ZNF837: variants seen among roughly 807,000 people sequenced by gnomAD.
ZNF837 encodes zinc finger protein 837.
For missense variants in ZNF837, 955 were observed against 801.7 expected, an observed-to-expected ratio of 1.19 and a Z score of -2.31; for synonymous variants, 475 against 365.2, an observed-to-expected ratio of 1.30 and a Z score of -3.43.
chr19:58,368,183 C>G lies in ZNF837; in HGVS notation c.1150G>C (p.Val384Leu), dbSNP rs769938210. Residue 384 changes from valine to leucine, a missense_variant, in exon 3 of 3, where the codon GTG becomes CTG. Physicochemically the swap from Val to Leu is conservative, Grantham distance 32. Coordinates refer to ENST00000597582, the MANE Select transcript of ZNF837 (RefSeq NM_138466.2). ...GCGTAGGGCTTCTCGCCGGTGTGCA[C>G]GCGCCGGTGCTCCACGAGGTGCGAG... ...LFSHLVEHRR[V>L]HTGEKPYACP... The G allele has an allele frequency of 1.9e-6, 3 of 1,576,296 alleles. No homozygotes were observed. The highest frequency in any genetic ancestry group is 2.6e-6 in the Non-Finnish European group (3 of 1,164,142).
At chr19:58,372,001 G>A (rs375502947) in intron 1 of ZNF837, among the ~76,000 whole-genome samples, 9 of 152,100 alleles carry the variant, frequency 5.9e-5, no homozygotes, top group South Asian at 2.1e-4. Context: ...GATTACAGGC[G>A]TGAGCCACCG....
chr19:58,371,304 A>C (rs1191166458), intron 1 of ZNF837, among the ~76,000 whole-genome samples: 1 of 151,378 alleles, frequency 6.6e-6, no homozygotes, highest in Admixed American at 6.6e-5. Context: ...GCTACTCAGG[A>C]GGCTAAGGCA....
chr19:58,378,802 G>A (rs763292627), intron 1 of ZNF837, among the ~76,000 whole-genome samples: 1 of 152,206 alleles, frequency 6.6e-6, no homozygotes, highest in African/African-American at 2.4e-5. Context: ...TATGAAGGAG[G>A]CAAAGGGAGT....
rs2052155590 is a variant in ZNF837 at position 58,368,113 on chromosome 19, C to T, written c.1220G>A (p.Ser407Asn). The change falls in exon 3 of 3, where the codon AGC becomes AAC. Residue 407 changes from serine to asparagine, a missense_variant. Physicochemically the swap from Ser to Asn is conservative, Grantham distance 46 (BLOSUM62 1). Coordinates refer to ENST00000597582, the MANE Select transcript of ZNF837 (RefSeq NM_138466.2). ...GCTGCTGTGAGTGCGCTGGTGCCGG[C>T]TCAGGTTCGAGCGCTGGTTGAAGGC... Reference protein sequence around the residue: ...GKAFNQRSNLSRHQRTHSSAK... With the variant: ...GKAFNQRSNLNRHQRTHSSAK... 1 of 1,568,758 alleles carries T rather than the reference C, an allele frequency of 6.4e-7. No homozygotes were observed. The highest frequency in any genetic ancestry group is 1.9e-5 in the Admixed American group (1 of 53,756).
Position 58,367,964 on chromosome 19 carries a change from G to T in ZNF837, c.1369C>A (p.Arg457Ser). The T allele has an allele frequency of 6.5e-7, 1 of 1,532,502 alleles. No individual in the cohort carries two copies. The highest frequency in any genetic ancestry group is 8.7e-7 in the Non-Finnish European group (1 of 1,143,904). 94.9% of individuals were successfully genotyped at this position (1,532,502 alleles called of 1,614,324 possible). ...YGCSECGKTFRGCSELRQHER... is the reference protein window; with the variant it reads ...YGCSECGKTFSGCSELRQHER... The stretch of plus-strand genomic sequence containing the variant: ...TGCTGGCGCAGCTCGGAGCAGCCGC[G>T]GAAGGTCTTTCCGCACTCGGAGCAG... The change falls in exon 3 of 3, where the codon CGC becomes AGC. Residue 457 changes from arginine (R) to serine (S), a missense_variant. Physicochemically the swap from Arg to Ser is moderately radical, Grantham distance 110. Coordinates refer to ENST00000597582, the MANE Select transcript of ZNF837 (RefSeq NM_138466.2).
intron 1 of ZNF837, among the ~76,000 whole-genome samples, chr19:58,378,635 T>C (rs2052267735): frequency 6.6e-6 from 1 of 152,116 alleles, no homozygotes; most frequent in Admixed American, 6.5e-5. Flanking sequence ...ATCAGGCAGG[T>C]TCCACTGAAG....
chr19:58,370,003 G>C (rs566028958), intron 1 of ZNF837, 75 bp from the exon 2 acceptor site: 5 of 152,318 alleles, frequency 3.3e-5, no homozygotes, highest in African/African-American at 1.2e-4. Flanking sequence ...ATTCAAGCAA[G>C]TGTGAACATT....
chr19:58,368,831 A>G lies in ZNF837; in HGVS notation c.502T>C (p.Trp168Arg). 1.3e-6 allele frequency: 2 copies of G among 1,546,908 alleles called. No homozygotes were observed. The highest frequency in any genetic ancestry group is 1.7e-6 in the Non-Finnish European group (2 of 1,146,700). ...TQLCEVHTDC[W>R]PCQPGTGAPT... The stretch of plus-strand genomic sequence containing the variant: ...GCGCCAGTCCCTGGTTGGCACGGCC[A>G]ACAGTCCGTGTGGACCTCACACAGT... Residue 168 changes from tryptophan to arginine, a missense_variant, in exon 3 of 3, where the codon TGG becomes CGG. Transcript: ENST00000597582.
At chr19:58,375,174 T>C (rs529148611) in intron 1 of ZNF837, among the ~76,000 whole-genome samples, 1 of 130,126 alleles carries the variant, frequency 7.7e-6, no homozygotes, top group African/African-American at 2.9e-5. Flanking sequence ...CAGAATTGCT[T>C]GAACCTGGGA....
chr19:58,378,384 C>G (rs1474615189), intron 1 of ZNF837, among the ~76,000 whole-genome samples: 1 of 152,216 alleles, frequency 6.6e-6, no homozygotes, highest in East Asian at 1.9e-4. Flanking sequence ...ACTTGGGCAC[C>G]TGCCTTGCTA....
chr19:58,368,718 G>A lies in ZNF837; in HGVS notation c.615C>T (p.Ala205=). 1 of 1,535,956 alleles carries A rather than the reference G, an allele frequency of 6.5e-7. No homozygotes were observed. Among genetic ancestry groups the A allele is most frequent in the Non-Finnish European group, 8.7e-7 (1 of 1,146,036 alleles). Residue 205 remains alanine (A), a synonymous_variant, in exon 3 of 3, where the codon GCC becomes GCT. Coordinates refer to ENST00000597582, the MANE Select transcript of ZNF837 (RefSeq NM_138466.2). ...GGATCCGCAGGGCCCTCCACGCAAA[G>A]GCCTCGCCGCACGCGCAAGCCCGGG... ...EQPRACACGE[A]FAWRALRIPQ... is the part of the protein sequence containing the mutation.
intron 1 of ZNF837, among the ~76,000 whole-genome samples, chr19:58,375,315 A>G (rs1252067192): frequency 1.0e-4 from 8 of 77,028 alleles, no homozygotes; most frequent in Admixed American, 9.6e-4. Context: ...TATATATAAA[A>G]TTACATATAT....
At chr19:58,375,780 T>C (rs1323138304) in intron 1 of ZNF837, among the ~76,000 whole-genome samples, 2 of 146,872 alleles carry the variant, frequency 1.4e-5, no homozygotes, top group East Asian at 2.0e-4. Context: ...TAAAGCAGAA[T>C]GCACCCATGC....
At chr19:58,379,511 G>A (rs1377550768) in intron 1 of ZNF837, among the ~76,000 whole-genome samples, 2 of 152,170 alleles carry the variant, frequency 1.3e-5, no homozygotes, top group South Asian at 2.1e-4. Context: ...AAACACAATC[G>A]AGGCTCTGGG....
intron 1 of ZNF837, among the ~76,000 whole-genome samples, chr19:58,377,016 G>C (rs1006239167): frequency 2.0e-5 from 3 of 151,928 alleles, no homozygotes; most frequent in African/African-American, 7.3e-5. Flanking sequence ...AGGAGATTGA[G>C]ACCAGCCTGG....
chr19:58,370,294 C>A (rs138886482), intron 1 of ZNF837, among the ~76,000 whole-genome samples: 127 of 152,286 alleles, frequency 8.3e-4, no homozygotes, highest in Admixed American at 5.8e-3. Flanking sequence ...AAGACATGTT[C>A]ATCTCTCTCT....
intron 1 of ZNF837, among the ~76,000 whole-genome samples, chr19:58,371,708 C>CTTATT (rs139658933): frequency 0.36 from 54,062 of 151,274 alleles, 11,036 homozygotes; most frequent in Non-Finnish European, 0.46. Context: ...CAGATATCCT[C>CTTATT]TTATTTTATT....
intron 1 of ZNF837, among the ~76,000 whole-genome samples, chr19:58,373,209 C>T (rs1209598522): frequency 6.6e-6 from 1 of 152,212 alleles, no homozygotes; most frequent in Non-Finnish European, 1.5e-5. Flanking sequence ...GCCGATCCTT[C>T]CTCGATCTCC....
chr19:58,368,369 A>G lies in ZNF837; in HGVS notation c.964T>C (p.Ser322Pro), dbSNP rs2052161420. The change falls in exon 3 of 3, where the codon TCG becomes CCG. Residue 322 changes from serine to proline, a missense_variant. Transcript: ENST00000597582. ...GGGCCACGCCGGTGGCGCTCGGCCG[A>G]GTGCGTCTTCTGGTGGCGGTACAGG... ...SGLYRHQKTH[S>P]AERHRRGPVL... 1 of 1,527,896 alleles carries G rather than the reference A, an allele frequency of 6.5e-7. No individual in the cohort carries two copies. Among genetic ancestry groups the G allele is most frequent in the East Asian group, 2.5e-5 (1 of 39,726 alleles). The allele number at this position is 1,527,896 out of a possible 1,614,324, so 94.6% of individuals were successfully genotyped here.
Sources: gnomAD v4.1 joint callset for allele counts (sites outside exome capture counted in the v4.1 genomes callset) on GRCh38, gnomAD v4.1.1 for gene constraint, MANE v1.5 for transcripts, NCBI Gene and HGNC (gene_info 2026-07-23, HGNC 2026-07-21) for gene names.